The following PARD3B variants were observed in gnomAD, a reference collection of about 807,000 sequenced individuals.
PARD3B encodes par-3 family cell polarity regulator beta, also known as partitioning defective 3 homolog B.
In PARD3B, 103 loss-of-function variants were observed where a neutral mutation model predicts 130.2. The ratio of observed to expected loss-of-function variants is 0.79; its 90% CI spans 0.67 to 0.93. PARD3B has a LOEUF of 0.93. Ranked by LOEUF, PARD3B falls within the 40% of genes least tolerant of loss-of-function variation. The probability of loss-of-function intolerance (pLI) is 0.00; values close to 1 mark genes in which losing one functional copy is unlikely to be tolerated. For synonymous variants in PARD3B, 583 were observed against 553.2 expected (o/e 1.05, Z -0.76); for missense variants, 1,609 against 1,499.2 (o/e 1.07, Z -1.21).
At chr2:204,620,709 C>G (rs963258091) in intron 1 of PARD3B, among the ~76,000 whole-genome samples, 7 of 152,124 alleles carry the variant, frequency 4.6e-5, no homozygotes, top group African/African-American at 1.7e-4. Context: ...ATACGTAGTC[C>G]TGTACTGTAG....
At chr2:205,451,702 A>G (rs1019876762) in intron 20 of PARD3B, among the ~76,000 whole-genome samples, 2 of 150,744 alleles carry the variant, frequency 1.3e-5, no homozygotes, top group African/African-American at 2.4e-5. Context: ...ATATATATAT[A>G]TATATATGTA....
chr2:205,083,602 CT>C (rs1423434917), intron 4 of PARD3B, among the ~76,000 whole-genome samples: 61 of 144,462 alleles, frequency 4.2e-4, no homozygotes, highest in Admixed American at 4.8e-4. Flanking sequence ...TTTGATTCTT[CT>C]TTTTTTTTTT....
At chr2:204,914,032 A>C (rs2047348670) in intron 2 of PARD3B, among the ~76,000 whole-genome samples, 1 of 152,188 alleles carries the variant, frequency 6.6e-6, no homozygotes, top group South Asian at 2.1e-4. Context: ...GTGATGAGAC[A>C]GCTAAGTAAA....
In PARD3B at chr2:204,700,467, G is replaced by A. The variant is rs73984272; in HGVS notation, c.222+14185G>A. Among the ~76,000 whole-genome samples the A allele has an allele frequency of 2.3e-3, 343 of 152,192 alleles. 2 individuals are homozygous for A. Among genetic ancestry groups the A allele is most frequent in the African/African-American group, 7.8e-3 (326 of 41,558 alleles). On this transcript the variant is annotated intron_variant, in intron 2 of 22. Coordinates refer to ENST00000406610, the MANE Select transcript of PARD3B (RefSeq NM_001302769.2). The stretch of plus-strand genomic sequence containing the variant: ...TAAATAGATTTTTAAAAATTTGATA[G>A]TGTCTTCATATAAGGAGAGGAATAT...
At chr2:204,970,307 A>G (rs146367771) in intron 3 of PARD3B, among the ~76,000 whole-genome samples, 3 of 152,344 alleles carry the variant, frequency 2.0e-5, no homozygotes, top group African/African-American at 7.2e-5. Context: ...TGTGATCAGG[A>G]TAAGTCATTT....
intron 2 of PARD3B, among the ~76,000 whole-genome samples, chr2:204,942,551 A>C (rs1045755545): frequency 9.2e-5 from 14 of 152,142 alleles, no homozygotes; most frequent in Admixed American, 5.2e-4. Context: ...AGTGAGAGGA[A>C]AACCTCTTTC....
At chr2:204,894,695 A>G (rs1397585103) in intron 2 of PARD3B, among the ~76,000 whole-genome samples, 1 of 152,114 alleles carries the variant, frequency 6.6e-6, no homozygotes, top group Non-Finnish European at 1.5e-5. Context: ...ATGCTTGAAG[A>G]TCACTCCTGG....
rs948814942 is a variant in PARD3B, at chr2:205,429,449, T to C, written c.2742-10921T>C. On this transcript the variant is annotated intron_variant, in intron 19 of 22. Transcript: ENST00000406610. ...TTAAAATGGCCTTCAAAAATGACCA[T>C]TGTGCAACCCCTAATGAAATAATTA... 2.0e-5 allele frequency among the ~76,000 whole-genome samples: 3 copies of C among 152,168 alleles called. No individual in the cohort carries two copies. In the East Asian group the frequency reaches 5.8e-4, roughly 29 times the overall value.
intron 1 of PARD3B, among the ~76,000 whole-genome samples, chr2:204,628,278 GT>G (rs35913282): frequency 3.1e-4 from 46 of 147,346 alleles, no homozygotes; most frequent in South Asian, 8.5e-4. Context: ...CTAAATTCCC[GT>G]TTTTTTTTTT....
At chr2:205,060,407 T>A (rs1227621440) in intron 4 of PARD3B, among the ~76,000 whole-genome samples, 1 of 152,164 alleles carries the variant, frequency 6.6e-6, no homozygotes, top group Non-Finnish European at 1.5e-5. Flanking sequence ...TTCATATTCA[T>A]AGAAGAATGC....
chr2:205,445,748 A>G (rs2047885089), intron 20 of PARD3B, among the ~76,000 whole-genome samples: 1 of 152,236 alleles, frequency 6.6e-6, no homozygotes, highest in South Asian at 2.1e-4. Context: ...TGGGCTCCCA[A>G]CATATAATGG....
At chr2:205,153,870 C>T (rs2033930595) in intron 10 of PARD3B, among the ~76,000 whole-genome samples, 1 of 152,184 alleles carries the variant, frequency 6.6e-6, no homozygotes, top group Non-Finnish European at 1.5e-5. Flanking sequence ...TGGATCCCTT[C>T]CTTACATCTT....
rs560782336 is a variant in PARD3B at position 205,523,671 on chromosome 2, AAAG to A, written c.3180+23644_3180+23646del. ...GTATTTAATATACAGTTGTGTTTCT[AAAG>A]AAGGTGTATATTTTTAAAATATTTT... On this transcript the variant is annotated intron_variant, in intron 21 of 22. Transcript: ENST00000406610. 1.7e-3 allele frequency among the ~76,000 whole-genome samples: 263 copies of A among 152,164 alleles called. 1 individual carries two copies. The highest frequency in any genetic ancestry group is 5.6e-3 in the African/African-American group (234 of 41,536).
intron 15 of PARD3B, among the ~76,000 whole-genome samples, chr2:205,225,735 G>T (rs72938094): frequency 0.055 from 8,412 of 152,200 alleles, 316 homozygotes; most frequent in East Asian, 0.19. Flanking sequence ...AGGGGAAAGT[G>T]CCGCACACTT....
chr2:205,429,019 A>C (rs1240238691), intron 19 of PARD3B, among the ~76,000 whole-genome samples: 2 of 152,230 alleles, frequency 1.3e-5, no homozygotes, highest in East Asian at 1.9e-4. Flanking sequence ...GCAAGGAAGC[A>C]ATCAAAGGCT....
chr2:205,310,383 G>C (rs1402853374), intron 18 of PARD3B, among the ~76,000 whole-genome samples: 2 of 152,066 alleles, frequency 1.3e-5, no homozygotes, highest in Non-Finnish European at 2.9e-5. Flanking sequence ...CAAGTTTCAA[G>C]TACAAGACAT....
chr2:204,626,062 A>G (rs1236803050), intron 1 of PARD3B, among the ~76,000 whole-genome samples: 2 of 152,144 alleles, frequency 1.3e-5, no homozygotes, highest in Non-Finnish European at 2.9e-5. Flanking sequence ...TTTTTGGAAA[A>G]TTTAAAGTAT....
intron 22 of PARD3B, among the ~76,000 whole-genome samples, chr2:205,599,157 T>C (rs191356645): frequency 6.6e-6 from 1 of 152,216 alleles, no homozygotes; most frequent in Non-Finnish European, 1.5e-5. Context: ...CTCATTTCTT[T>C]CAACAGAAAG....
chr2:204,691,962 A>G (rs1005282260), intron 2 of PARD3B, among the ~76,000 whole-genome samples: 2 of 152,124 alleles, frequency 1.3e-5, no homozygotes, highest in African/African-American at 4.8e-5. Context: ...ATCAGAACAT[A>G]TTATTTGGTA....
Sources: gnomAD v4.1 joint callset for allele counts (sites outside exome capture counted in the v4.1 genomes callset) on GRCh38, gnomAD v4.1.1 for gene constraint, MANE v1.5 for transcripts, NCBI Gene and HGNC (gene_info 2026-07-23, HGNC 2026-07-21) for gene names.